ASIC2: variants seen among roughly 807,000 people sequenced by gnomAD.
The protein encoded by ASIC2 is acid sensing ion channel subunit 2.
Under a neutral mutation model 57.3 loss-of-function variants are expected in ASIC2, and 25 were observed. The observed-to-expected ratio is 0.44, with a 90% CI of 0.32 to 0.61. ASIC2 has a LOEUF of 0.61. Among genes scored for constraint, ASIC2 ranks in the 20% least tolerant of loss-of-function variants. The pLI, the probability that ASIC2 is intolerant of heterozygous loss-of-function variation, is 0.06. For synonymous variants in ASIC2, 319 were observed against 307.5 expected (o/e 1.04, Z -0.39); for missense variants, 641 against 738.1 (o/e 0.87, Z 1.52).
chr17:33,517,192 T>C (rs1435355688), intron 1 of ASIC2, among the ~76,000 whole-genome samples: 1 of 152,202 alleles, frequency 6.6e-6, no homozygotes, highest in East Asian at 1.9e-4. Flanking sequence ...CTCAGCTCAC[T>C]GCAATCTCTG....
chr17:33,396,028 G>A (rs1057162829), intron 1 of ASIC2, among the ~76,000 whole-genome samples: 4 of 152,300 alleles, frequency 2.6e-5, no homozygotes, highest in African/African-American at 9.6e-5. Flanking sequence ...TCAGACTCTT[G>A]TCTTTCACTT....
chr17:33,969,587 A>T (rs1981147), intron 1 of ASIC2, among the ~76,000 whole-genome samples: 42,843 of 151,876 alleles, frequency 0.28, 6,157 homozygotes, highest in Middle Eastern at 0.32. Context: ...ACTATTGTGG[A>T]CAATTGAGGC....
intron 3 of ASIC2, among the ~76,000 whole-genome samples, chr17:33,039,915 C>G (rs1022223401): frequency 6.6e-6 from 1 of 152,220 alleles, no homozygotes; most frequent in African/African-American, 2.4e-5. Context: ...CAACATGTTC[C>G]TAAGCAGTTT....
chr17:33,734,092 C>A (rs907127873), intron 1 of ASIC2, among the ~76,000 whole-genome samples: 1 of 152,156 alleles, frequency 6.6e-6, no homozygotes, highest in Admixed American at 6.5e-5. Flanking sequence ...AAAAATATGT[C>A]ATCTCCCCCC....
chr17:34,092,855 T>C (rs975862185), intron 1 of ASIC2, among the ~76,000 whole-genome samples: 2 of 152,204 alleles, frequency 1.3e-5, no homozygotes, highest in Non-Finnish European at 2.9e-5. Flanking sequence ...ACTGTTCCCA[T>C]AAATGACTTT....
chr17:33,532,324 A>G (rs1915077645), intron 1 of ASIC2, among the ~76,000 whole-genome samples: 1 of 152,252 alleles, frequency 6.6e-6, no homozygotes, highest in Admixed American at 6.5e-5. Context: ...CTGCTCACAG[A>G]ATTTACAATC....
chr17:33,284,169 G>A (rs923421028), intron 1 of ASIC2, among the ~76,000 whole-genome samples: 3 of 152,178 alleles, frequency 2.0e-5, no homozygotes, highest in Non-Finnish European at 4.4e-5. Context: ...TATTTGACAT[G>A]CTCAGAACAA....
intron 1 of ASIC2, among the ~76,000 whole-genome samples, chr17:33,361,285 T>C (rs1217201002): frequency 6.6e-6 from 1 of 151,956 alleles, no homozygotes; most frequent in African/African-American, 2.4e-5. Context: ...TGTGGGATGG[T>C]GGAGAGAAAG....
intron 2 of ASIC2, among the ~76,000 whole-genome samples, chr17:33,092,756 T>C (rs2092162554): frequency 6.6e-6 from 1 of 152,238 alleles, no homozygotes; most frequent in Non-Finnish European, 1.5e-5. Context: ...TGTGAGCAGA[T>C]GCCTTAATTC....
chr17:34,087,141 T>A (rs1231716820), intron 1 of ASIC2, among the ~76,000 whole-genome samples: 1 of 152,218 alleles, frequency 6.6e-6, no homozygotes, highest in Admixed American at 6.5e-5. Context: ...GTCTCGATGG[T>A]CTTTACATTT....
At chr17:33,689,998 G>T (rs1019156232) in intron 1 of ASIC2, among the ~76,000 whole-genome samples, 1 of 152,212 alleles carries the variant, frequency 6.6e-6, no homozygotes, top group African/African-American at 2.4e-5. Flanking sequence ...AGAAACTTTT[G>T]TTGTTTCTGT....
chr17:33,591,848 CT>C (rs1904837634), intron 1 of ASIC2, among the ~76,000 whole-genome samples: 1 of 152,192 alleles, frequency 6.6e-6, no homozygotes, highest in Admixed American at 6.5e-5. Flanking sequence ...ATCCTTACAG[CT>C]TTTGTTTTAG....
chr17:34,112,883 T>C (rs1349109990), intron 1 of ASIC2, among the ~76,000 whole-genome samples: 1 of 152,188 alleles, frequency 6.6e-6, no homozygotes, highest in African/African-American at 2.4e-5. Flanking sequence ...TTCATGGTCT[T>C]ATGGCTGAGC....
At chr17:33,343,992 C>G (rs146582220) in intron 1 of ASIC2, among the ~76,000 whole-genome samples, 1,869 of 152,296 alleles carry the variant, frequency 0.012, 26 homozygotes, top group Admixed American at 0.037. Context: ...CGAAGCCTTC[C>G]CAGATACCTC....
chr17:33,452,598 A>G (rs1912291356), intron 1 of ASIC2, among the ~76,000 whole-genome samples: 1 of 152,168 alleles, frequency 6.6e-6, no homozygotes, highest in South Asian at 2.1e-4. Flanking sequence ...CTGACGACAG[A>G]ATGGGAACAA....
rs531269583 is a variant in ASIC2, at chr17:33,402,163, C to T, written c.556-290096G>A. On this transcript the variant is annotated intron_variant, in intron 1 of 9. Transcript: ENST00000359872. ...GTAGGCTGGAGCTGAGGGGTTAGAT[C>T]TGAGGGGCCACACTGCATGGAGGGC... Among the ~76,000 whole-genome samples, 168 of 152,256 alleles carry T rather than the reference C, an allele frequency of 1.1e-3. 1 individual carries two copies. Among genetic ancestry groups the T allele is most frequent in the African/African-American group, 4.0e-3 (165 of 41,556 alleles).
chr17:33,054,279 T>C (rs996209503), intron 3 of ASIC2, among the ~76,000 whole-genome samples: 1 of 152,128 alleles, frequency 6.6e-6, no homozygotes, highest in Non-Finnish European at 1.5e-5. Flanking sequence ...GATTACTCTT[T>C]CCCAGGGCTG....
chr17:33,170,553 C>T (rs572408081), intron 1 of ASIC2, among the ~76,000 whole-genome samples: 3 of 152,208 alleles, frequency 2.0e-5, no homozygotes, highest in Admixed American at 6.5e-5. Context: ...CAGCATTGCC[C>T]GTCCCTTTCA....
intron 1 of ASIC2, among the ~76,000 whole-genome samples, chr17:33,933,651 G>A (rs945195308): frequency 5.3e-5 from 8 of 152,156 alleles, no homozygotes; most frequent in African/African-American, 1.9e-4. Flanking sequence ...GACCAACTTA[G>A]CAGGGAAGAA....
Sources: allele counts gnomAD v4.1 joint callset (sites outside exome capture counted in the v4.1 genomes callset), GRCh38; gene constraint gnomAD v4.1.1; transcripts MANE v1.5; gene names NCBI Gene and HGNC (gene_info 2026-07-23, HGNC 2026-07-21).